Variants in PRKG1 observed in about 807,000 individuals in gnomAD.
PRKG1 encodes the protein protein kinase cGMP-dependent 1, also known as cGMP-dependent protein kinase 1.
A neutral mutation model predicts 88.1 loss-of-function variants in PRKG1; 35 were observed. That is an observed-to-expected ratio of 0.40 (90% confidence interval 0.30 to 0.53). PRKG1 has a LOEUF of 0.53. Ranked by LOEUF, PRKG1 falls within the 20% of genes least tolerant of loss-of-function variation. PRKG1 has a pLI of 0.59. For synonymous variants in PRKG1, 303 were observed against 292.5 expected, an observed-to-expected ratio of 1.04 and a Z score of -0.37; for missense variants, 540 against 839.8, an observed-to-expected ratio of 0.64 and a Z score of 4.41.
chr10:51,212,175 A>C (rs1405875240), intron 2 of PRKG1, among the ~76,000 whole-genome samples: 1 of 152,088 alleles, frequency 6.6e-6, no homozygotes, highest in Non-Finnish European at 1.5e-5. Context: ...ATCTACAACT[A>C]TCTGATCTTT....
At chr10:51,828,373 CT>C (rs561934271) in intron 4 of PRKG1, among the ~76,000 whole-genome samples, 49 of 152,196 alleles carry the variant, frequency 3.2e-4, no homozygotes, top group African/African-American at 1.0e-3. Context: ...AGCCATTTGA[CT>C]GCCTCATTGG....
At chr10:51,369,081 C>A (rs1421211406) in intron 2 of PRKG1, among the ~76,000 whole-genome samples, 1 of 152,072 alleles carries the variant, frequency 6.6e-6, no homozygotes, top group Non-Finnish European at 1.5e-5. Flanking sequence ...GCCCAAGGCT[C>A]GTGTTTCTTC....
At chr10:51,689,760 C>G (rs1841089162) in intron 3 of PRKG1, among the ~76,000 whole-genome samples, 1 of 152,054 alleles carries the variant, frequency 6.6e-6, no homozygotes, top group East Asian at 1.9e-4. Flanking sequence ...AATCAACTAG[C>G]CATTCAAAGG....
intron 2 of PRKG1, among the ~76,000 whole-genome samples, chr10:51,224,965 A>G (rs1490063326): frequency 1.3e-5 from 2 of 152,194 alleles, no homozygotes; most frequent in African/African-American, 4.8e-5. Flanking sequence ...CCCAACTTCC[A>G]AAGAGCATAT....
intron 4 of PRKG1, among the ~76,000 whole-genome samples, chr10:51,878,584 T>C (rs941776585): frequency 1.3e-5 from 2 of 152,222 alleles, no homozygotes; most frequent in Non-Finnish European, 2.9e-5. Context: ...CATAGGTCTA[T>C]GTAATCATCT....
intron 4 of PRKG1, among the ~76,000 whole-genome samples, chr10:51,809,536 T>C (rs1165851292): frequency 5.9e-5 from 9 of 152,222 alleles, no homozygotes; most frequent in Admixed American, 5.9e-4. Flanking sequence ...AGCATTAGTA[T>C]GTAGCTGTGT....
intron 9 of PRKG1, among the ~76,000 whole-genome samples, chr10:52,166,819 GTATA>G (rs370403466): frequency 1.6e-4 from 9 of 55,312 alleles, no homozygotes; most frequent in African/African-American, 3.3e-4. Flanking sequence ...GTATATATAT[GTATA>G]TATATGTATA....
In PRKG1 at chr10:51,946,133, A is replaced by G. The variant is rs537514673; in HGVS notation, c.762+38563A>G. On this transcript the variant is annotated intron_variant, in intron 5 of 17. Coordinates refer to ENST00000373980, the MANE Select transcript of PRKG1 (RefSeq NM_006258.4). Reference sequence around the variant, plus strand: ...AGATTTGGTCTTCTCACATAGTCCCATATTTCTTGGAGGCTTTGTTCATTT... The same window carrying G: ...AGATTTGGTCTTCTCACATAGTCCCGTATTTCTTGGAGGCTTTGTTCATTT... Among the ~76,000 whole-genome samples, 49 of 152,136 alleles carry G rather than the reference A, an allele frequency of 3.2e-4. 1 individual carries two copies. The highest frequency in any genetic ancestry group is 1.2e-3 in the African/African-American group (48 of 41,414).
At chr10:51,913,888 C>T (rs1042609259) in intron 5 of PRKG1, among the ~76,000 whole-genome samples, 1 of 152,192 alleles carries the variant, frequency 6.6e-6, no homozygotes, top group East Asian at 1.9e-4. Flanking sequence ...ACTTTATAAA[C>T]TGGTTGCATT....
intron 2 of PRKG1, among the ~76,000 whole-genome samples, chr10:51,272,679 C>T (rs1269837681): frequency 6.6e-6 from 1 of 152,146 alleles, no homozygotes; most frequent in Non-Finnish European, 1.5e-5. Flanking sequence ...GGGTGAACAT[C>T]TGCAGCAGCA....
chr10:51,660,788 T>G (rs1840278797), intron 3 of PRKG1, among the ~76,000 whole-genome samples: 1 of 152,088 alleles, frequency 6.6e-6, no homozygotes, highest in African/African-American at 2.4e-5. Flanking sequence ...ATGTTATGGC[T>G]GCCAGTGGGT....
rs10595011 is a variant in PRKG1, at chr10:52,097,762, AATATAT to A, written c.935+35148_935+35153del. ...ATGGTGTGGTGATTTTAATAGGCCT[AATATAT>A]ATATATATATATATATGTACAGATT... On this transcript the variant is annotated intron_variant, in intron 7 of 17. Transcript: ENST00000373980. Among the ~76,000 whole-genome samples the A allele has an allele frequency of 3.0e-3, 448 of 147,686 alleles. 6 individuals carry two copies. Among genetic ancestry groups the A allele is most frequent in the Middle Eastern group, 0.011 (3 of 284 alleles).
chr10:51,194,334 A>T (rs1472329475), intron 2 of PRKG1, among the ~76,000 whole-genome samples: 1 of 151,204 alleles, frequency 6.6e-6, no homozygotes, highest in Non-Finnish European at 1.5e-5. Flanking sequence ...GGTTTGCTGC[A>T]CCTATCAACC....
At chr10:51,558,891 C>T (rs867844498) in intron 3 of PRKG1, among the ~76,000 whole-genome samples, 36 of 152,154 alleles carry the variant, frequency 2.4e-4, no homozygotes, top group Middle Eastern at 3.4e-3. Context: ...TACAGTAGTC[C>T]TCTCTTATCC....
intron 2 of PRKG1, among the ~76,000 whole-genome samples, chr10:51,463,136 T>C (rs1588982619): frequency 1.3e-5 from 2 of 152,124 alleles, no homozygotes; most frequent in East Asian, 1.9e-4. Context: ...CTAACATATT[T>C]GAAACTGAAA....
intron 1 of PRKG1, among the ~76,000 whole-genome samples, chr10:51,045,300 G>A (rs1413207107): frequency 6.7e-6 from 1 of 148,300 alleles, no homozygotes; most frequent in Non-Finnish European, 1.5e-5. Context: ...AACTACCATA[G>A]AAAAAAATAT....
chr10:52,081,298 T>C (rs1443378504), intron 7 of PRKG1, among the ~76,000 whole-genome samples: 1 of 152,188 alleles, frequency 6.6e-6, no homozygotes, highest in Non-Finnish European at 1.5e-5. Context: ...TTATCTGAGC[T>C]AGCTACTTAA....
intron 2 of PRKG1, among the ~76,000 whole-genome samples, chr10:51,466,442 T>C (rs1444399): frequency 0.45 from 67,942 of 151,884 alleles, 15,820 homozygotes; most frequent in African/African-American, 0.52. Flanking sequence ...TTTTTATGGA[T>C]TTTTATTCTA....
intron 1 of PRKG1, among the ~76,000 whole-genome samples, chr10:51,047,146 T>G (rs766609555): frequency 2.0e-5 from 3 of 152,212 alleles, no homozygotes; most frequent in Non-Finnish European, 2.9e-5. Context: ...GTCTTTTAGC[T>G]GGTACTATCC....
Sources: gnomAD v4.1 joint callset for allele counts (sites outside exome capture counted in the v4.1 genomes callset) on GRCh38, gnomAD v4.1.1 for gene constraint, MANE v1.5 for transcripts, NCBI Gene and HGNC (gene_info 2026-07-23, HGNC 2026-07-21) for gene names.